FOXP2: variants seen among roughly 807,000 people sequenced by gnomAD.
The protein encoded by FOXP2 is forkhead box P2, also known as forkhead box protein P2.
Under a neutral mutation model 115.8 loss-of-function variants are expected in FOXP2, and 12 were observed. That is an observed-to-expected ratio of 0.10 (90% CI 0.07 to 0.17). FOXP2 has a LOEUF of 0.17. FOXP2 is among the 10% of genes least tolerant of loss of function. The probability of loss-of-function intolerance (pLI) is 1.00; values close to 1 mark genes in which losing one functional copy is unlikely to be tolerated. For synonymous variants in FOXP2, 328 were observed against 297.7 expected, an observed-to-expected ratio of 1.10 and a Z score of -1.05; for missense variants, 629 against 843.5, an observed-to-expected ratio of 0.75 and a Z score of 3.15.
chr7:114,591,723 G>A (rs575038593), intron 3 of FOXP2, among the ~76,000 whole-genome samples: 4 of 152,178 alleles, frequency 2.6e-5, no homozygotes, highest in African/African-American at 9.6e-5. Context: ...AACCATAGAA[G>A]CTATGTACAG....
rs1454572590 is a variant in FOXP2 at position 114,329,865 on chromosome 7, A to T, written c.-11+41756A>T. Among the ~76,000 whole-genome samples, 4 of 151,720 alleles carry T rather than the reference A, an allele frequency of 2.6e-5. No homozygotes were observed. The East Asian group carries it at 7.8e-4, about 30-fold the overall frequency. On this transcript the variant is annotated intron_variant, in intron 2 of 17. Coordinates refer to the FOXP2 transcript ENST00000634411. The stretch of plus-strand genomic sequence containing the variant: ...CTAATTTTTGTATTTTTAGTAGAGA[A>T]GGGGTTTCACCATATTGGCCAGGCT...
At chr7:114,233,591 A>C (rs1395662597) in intron 1 of FOXP2, among the ~76,000 whole-genome samples, 1 of 152,240 alleles carries the variant, frequency 6.6e-6, no homozygotes, top group African/African-American at 2.4e-5. Flanking sequence ...CATCCTGAGA[A>C]GTTTCACTTT....
At position 114,426,616 on chromosome 7, in the gene FOXP2, A is replaced by G; in HGVS notation, c.105A>G (p.Arg35=). The G allele has an allele frequency of 6.2e-7, 1 of 1,611,740 alleles. No individual in the cohort carries two copies. Among genetic ancestry groups the G allele is most frequent in the South Asian group, 1.1e-5 (1 of 91,044 alleles). Residue 35 remains arginine, a synonymous_variant, in exon 2 of 17, where the codon AGA becomes AGG. Transcript: ENST00000350908. ...SQLDAGSRDG[R]SSGDTSSEVS... ...TAGATGCTGGCAGCAGAGATGGAAGATCAAGTGGTGACACCAGCTCTGAAG... is the reference window on the plus strand; with the variant it reads ...TAGATGCTGGCAGCAGAGATGGAAGGTCAAGTGGTGACACCAGCTCTGAAG...
intron 1 of FOXP2, among the ~76,000 whole-genome samples, chr7:114,118,651 C>T (rs192766730): frequency 1.8e-3 from 269 of 152,094 alleles, no homozygotes; most frequent in African/African-American, 6.1e-3. Flanking sequence ...CAGAATGACA[C>T]TCATTGATTC....
intron 2 of FOXP2, among the ~76,000 whole-genome samples, chr7:114,532,332 T>C (rs1307623376): frequency 6.6e-6 from 1 of 151,972 alleles, no homozygotes; most frequent in Admixed American, 6.6e-5. Flanking sequence ...ATATTGTTGT[T>C]TCCCATGTAA....
chr7:114,553,003 C>A (rs1800285957), intron 3 of FOXP2, among the ~76,000 whole-genome samples: 1 of 152,018 alleles, frequency 6.6e-6, no homozygotes, highest in South Asian at 2.1e-4. Flanking sequence ...CTCTCCCAGT[C>A]ACTTTTGAAA....
At chr7:114,206,812 T>G (rs1397136991) in intron 1 of FOXP2, among the ~76,000 whole-genome samples, 2 of 152,232 alleles carry the variant, frequency 1.3e-5, no homozygotes, top group Non-Finnish European at 2.9e-5. Flanking sequence ...TATTAAAACA[T>G]AATTCACTTA....
chr7:114,233,319 C>T (rs1406220677), intron 1 of FOXP2, among the ~76,000 whole-genome samples: 1 of 152,118 alleles, frequency 6.6e-6, no homozygotes, highest in Non-Finnish European at 1.5e-5. Context: ...TTATCCTCTG[C>T]ATTTTTACTC....
intron 1 of FOXP2, among the ~76,000 whole-genome samples, chr7:114,147,554 C>A (rs1308935041): frequency 6.6e-6 from 1 of 152,118 alleles, no homozygotes; most frequent in Non-Finnish European, 1.5e-5. Flanking sequence ...AAGGCTCCTC[C>A]AAACCCTGTT....
At chr7:114,656,040 G>A (rs1806567799) in intron 10 of FOXP2, among the ~76,000 whole-genome samples, 1 of 152,102 alleles carries the variant, frequency 6.6e-6, no homozygotes, top group Non-Finnish European at 1.5e-5. Context: ...TTATCAGTTT[G>A]TGATTGTACG....
At chr7:114,363,007 CAGG>C (rs762376329) in intron 2 of FOXP2, among the ~76,000 whole-genome samples, 87 of 152,040 alleles carry the variant, frequency 5.7e-4, no homozygotes, top group South Asian at 1.2e-3. Flanking sequence ...GAGAAAAAAA[CAGG>C]AGATGTGACT....
chr7:114,435,213 TG>T (rs1298011420), intron 2 of FOXP2, among the ~76,000 whole-genome samples: 1 of 152,098 alleles, frequency 6.6e-6, no homozygotes, highest in African/African-American at 2.4e-5. Context: ...AGTCATGCCA[TG>T]ATAGAGGTAG....
intron 10 of FOXP2, among the ~76,000 whole-genome samples, chr7:114,654,621 A>G (rs1351352093): frequency 6.6e-6 from 1 of 152,200 alleles, no homozygotes; most frequent in Non-Finnish European, 1.5e-5. Flanking sequence ...CCTCAAAAAT[A>G]TATGAGATTT....
At chr7:114,329,503 G>A (rs1442686329) in intron 2 of FOXP2, among the ~76,000 whole-genome samples, 2 of 139,866 alleles carry the variant, frequency 1.4e-5, no homozygotes, top group East Asian at 2.1e-4. Flanking sequence ...TGGGCGACAA[G>A]AGTGAAACTC....
At chr7:114,471,571 T>C (rs1796046791) in intron 2 of FOXP2, among the ~76,000 whole-genome samples, 1 of 152,212 alleles carries the variant, frequency 6.6e-6, no homozygotes, top group South Asian at 2.1e-4. Context: ...GAAAAGTTTC[T>C]TGATTGCTCC....
At chr7:114,232,397 A>C (rs1449036308) in intron 1 of FOXP2, among the ~76,000 whole-genome samples, 1 of 152,228 alleles carries the variant, frequency 6.6e-6, no homozygotes, top group Non-Finnish European at 1.5e-5. Context: ...AAGGTCTGGA[A>C]GAGATATTAG....
chr7:114,356,930 A>T (rs1190689839), intron 2 of FOXP2, among the ~76,000 whole-genome samples: 1 of 152,136 alleles, frequency 6.6e-6, no homozygotes, highest in African/African-American at 2.4e-5. Flanking sequence ...ATTTATCTGT[A>T]TTATGTGAAG....
In FOXP2 at chr7:114,559,762, G is replaced by A. The variant is rs1405766318; in HGVS notation, c.258+25056G>A. 3.3e-5 allele frequency among the ~76,000 whole-genome samples: 5 copies of A among 151,978 alleles called. No homozygotes were observed. The South Asian group carries it at 6.2e-4, about 19-fold the overall frequency. ...AAATTAGCCAGGCGTGGTGGCCGGC[G>A]CCTGTAGTCCCAGCTACTCAGGAGG... On this transcript the variant is annotated intron_variant, in intron 3 of 16. Coordinates refer to ENST00000350908, the MANE Select transcript of FOXP2 (RefSeq NM_014491.4).
At chr7:114,453,437 T>G (rs1478322664) in intron 2 of FOXP2, among the ~76,000 whole-genome samples, 1 of 152,140 alleles carries the variant, frequency 6.6e-6, no homozygotes, top group Non-Finnish European at 1.5e-5. Flanking sequence ...TTTCCATAAC[T>G]GTTTTCTATT....
Sources: gnomAD v4.1 joint callset for allele counts (sites outside exome capture counted in the v4.1 genomes callset) on GRCh38, gnomAD v4.1.1 for gene constraint, MANE v1.5 for transcripts, NCBI Gene and HGNC (gene_info 2026-07-23, HGNC 2026-07-21) for gene names.